The following ZNF385C variants were observed in gnomAD, a reference collection of about 807,000 sequenced individuals.
The protein encoded by ZNF385C is CTD-2132N18.2.
Under a neutral mutation model 35.4 loss-of-function variants are expected in ZNF385C, and 28 were observed. The ratio of observed to expected loss-of-function variants is 0.79; its 90% CI spans 0.59 to 1.08. The LOEUF (loss-of-function observed/expected upper bound fraction) is 1.08. Ranked by LOEUF, ZNF385C falls within the 50% of genes least tolerant of loss-of-function variation. The pLI is 0.00. For missense variants in ZNF385C, 605 were observed against 595.6 expected (o/e 1.02, Z -0.16); for synonymous variants, 248 against 248.2 (o/e 1.00, Z 0.01).
intron 2 of ZNF385C, among the ~76,000 whole-genome samples, chr17:42,055,839 G>A (rs2053367144): frequency 6.6e-6 from 1 of 152,176 alleles, no homozygotes; most frequent in Admixed American, 6.5e-5. Flanking sequence ...GACTTGGAAA[G>A]GGGATGGAGG....
chr17:42,060,789 C>T (rs970170960), intron 2 of ZNF385C, among the ~76,000 whole-genome samples: 2 of 152,180 alleles, frequency 1.3e-5, no homozygotes, highest in Non-Finnish European at 2.9e-5. Flanking sequence ...GATCTCAGCT[C>T]ACTGCAGCCT....
At chr17:42,031,236 T>A (rs2052721929) in intron 5 of ZNF385C, among the ~76,000 whole-genome samples, 1 of 152,132 alleles carries the variant, frequency 6.6e-6, no homozygotes, top group African/African-American at 2.4e-5. Flanking sequence ...GGTCACACCA[T>A]GTTTCCCAGA....
At chr17:42,083,199 TG>T (rs2053767092) in intron 1 of ZNF385C, among the ~76,000 whole-genome samples, 1 of 151,794 alleles carries the variant, frequency 6.6e-6, no homozygotes, top group Non-Finnish European at 1.5e-5. Context: ...CGTGACAAAA[TG>T]TTTTTTTGTT....
intron 2 of ZNF385C, chr17:42,040,065 C>A: frequency 8.1e-7 from 1 of 1,231,188 alleles, no homozygotes; most frequent in Non-Finnish European, 1.0e-6. Context: ...CGCCCAGCGC[C>A]CGCTGGCGCA....
rs551613729 is a variant in ZNF385C, at chr17:42,042,713, T to C, written c.251-4828A>G. The C allele has an allele frequency of 1.4e-5, 10 of 708,928 alleles. No individual in the cohort carries two copies. The African/African-American group carries it at 1.7e-4, about 12-fold the overall frequency. 43.9% of individuals were successfully genotyped at this position (708,928 alleles called of 1,614,324 possible). A position where few individuals can be genotyped will look rare whatever the true frequency, so the allele number is the denominator to read the frequency against. ...GGCTCTCAGGGAAGGTTCTGAAGGG[T>C]GAAGATATGAATGAAATGCCCTAGC... On this transcript the variant is annotated intron_variant, in intron 2 of 8. Transcript: ENST00000692273.
chr17:42,031,917 T>TTTG, intron 4 of ZNF385C, 133 bp from the exon 5 acceptor site: 6 of 980,700 alleles, frequency 6.1e-6, no homozygotes, highest in Non-Finnish European at 8.9e-6. Flanking sequence ...GTCCTTGTCC[T>TTTG]TGTCATCATC....
intron 1 of ZNF385C, among the ~76,000 whole-genome samples, chr17:42,068,938 C>T (rs1361369149): frequency 6.6e-6 from 1 of 152,098 alleles, no homozygotes; most frequent in Non-Finnish European, 1.5e-5. Flanking sequence ...CTGTGCCTCG[C>T]AGAGACGGGC....
At chr17:42,047,364 G>A (rs1169672271) in intron 2 of ZNF385C, among the ~76,000 whole-genome samples, 2 of 151,740 alleles carry the variant, frequency 1.3e-5, no homozygotes, top group East Asian at 1.9e-4. Flanking sequence ...TAGTAGAGAC[G>A]GGGTTTCACC....
intron 4 of ZNF385C, among the ~76,000 whole-genome samples, chr17:42,033,627 C>G (rs2052778525): frequency 6.6e-6 from 1 of 152,136 alleles, no homozygotes; most frequent in Non-Finnish European, 1.5e-5. Context: ...GTAGCACATG[C>G]CTGTAATCCC....
At chr17:42,091,636 C>T (rs1237202337) in intron 1 of ZNF385C, among the ~76,000 whole-genome samples, 3 of 152,130 alleles carry the variant, frequency 2.0e-5, no homozygotes, top group Non-Finnish European at 2.9e-5. Context: ...TTCCTGATCC[C>T]CCCTCTGGCC....
chr17:42,062,557 C>G (rs570792483), intron 2 of ZNF385C: 1 of 368,734 alleles, frequency 2.7e-6, no homozygotes, highest in South Asian at 1.4e-4. Context: ...GGAGAGTTCC[C>G]TAGAAACAAA....
At chr17:42,043,289 C>A (rs1598186731) in intron 2 of ZNF385C, 1 of 1,232,266 alleles carries the variant, frequency 8.1e-7, no homozygotes, top group African/African-American at 1.5e-5. Context: ...CAGGTAAACT[C>A]CTCTTTCCAG....
intron 3 of ZNF385C, among the ~76,000 whole-genome samples, chr17:42,036,097 C>G (rs1289265134): frequency 6.6e-6 from 1 of 151,646 alleles, no homozygotes; most frequent in Admixed American, 6.6e-5. Flanking sequence ...TGGGCTCAAG[C>G]GATTCTCCTG....
At chr17:42,084,493 A>T (rs968787663) in intron 1 of ZNF385C, among the ~76,000 whole-genome samples, 2 of 152,224 alleles carry the variant, frequency 1.3e-5, no homozygotes, top group African/African-American at 4.8e-5. Context: ...TATAAAAGAC[A>T]TCGTCAAATA....
At chr17:42,040,208 G>T (rs2052981231) in intron 2 of ZNF385C, 1 of 1,231,618 alleles carries the variant, frequency 8.1e-7, no homozygotes, top group Non-Finnish European at 1.0e-6. Flanking sequence ...TCCAGCGAAG[G>T]CCCGGGGTAG....
Position 42,026,783 on chromosome 17 carries a change from A to G in ZNF385C, c.*114T>C. 1 of 1,043,442 alleles carries G rather than the reference A, an allele frequency of 9.6e-7. No homozygotes were observed. The highest frequency in any genetic ancestry group is 1.5e-6 in the Non-Finnish European group (1 of 684,998). 64.6% of individuals were successfully genotyped at this position (1,043,442 alleles called of 1,614,324 possible). On this transcript the variant is annotated 3_prime_UTR_variant, in exon 9 of 9. Coordinates refer to ENST00000692273, the MANE Select transcript of ZNF385C (RefSeq NM_001392013.1). ...TAGCCCAGCTCTTTCTGGATCGGGC[A>G]GGACCCCTGAAGCTGTTCACAGTCC...
Position 42,095,306 on chromosome 17 carries a change from C to A in ZNF385C, c.-3+3104G>T, listed in dbSNP as rs1319441035. Among the ~76,000 whole-genome samples the A allele has an allele frequency of 1.3e-5, 2 of 152,166 alleles. No homozygotes were observed. The highest frequency in any genetic ancestry group is 2.9e-5 in the Non-Finnish European group (2 of 68,022). ...TACCATTCATTCCCGCTGGGGATGACCCCCGCCGCCTGGCCAGCTGACCCC... is the reference window on the plus strand; with the variant it reads ...TACCATTCATTCCCGCTGGGGATGAACCCCGCCGCCTGGCCAGCTGACCCC... On this transcript the variant is annotated intron_variant, in intron 1 of 8. Transcript: ENST00000692273. The surrounding 1 kb of genome is among the most constrained non-coding windows in gnomAD (Gnocchi z 4.4).
intron 1 of ZNF385C, among the ~76,000 whole-genome samples, chr17:42,078,098 G>A (rs2053704127): frequency 6.6e-6 from 1 of 152,190 alleles, no homozygotes; most frequent in African/African-American, 2.4e-5. Context: ...AATGAGACAG[G>A]CACTGGGAAC....
At chr17:42,088,862 G>A (rs367676225) in intron 1 of ZNF385C, among the ~76,000 whole-genome samples, 16 of 152,190 alleles carry the variant, frequency 1.1e-4, no homozygotes, top group South Asian at 4.1e-4. Flanking sequence ...TCTGTAACCC[G>A]TCACCCAGGC....
Sources: allele counts gnomAD v4.1 joint callset (sites outside exome capture counted in the v4.1 genomes callset), GRCh38; gene constraint gnomAD v4.1.1; non-coding constraint Gnocchi (gnomAD v3.1); transcripts MANE v1.5; gene names NCBI Gene and HGNC (gene_info 2026-07-23, HGNC 2026-07-21).